LRRIQ1: variants seen among roughly 807,000 people sequenced by gnomAD.
LRRIQ1 encodes leucine-rich repeat- and IQ domain-containing protein 1.
In LRRIQ1, 210 loss-of-function variants were observed where a neutral mutation model predicts 211.9. The observed-to-expected ratio is 0.99, with a 90% CI of 0.89 to 1.11. LRRIQ1 has a LOEUF of 1.11. Ranked by LOEUF, LRRIQ1 falls within the 50% of genes most tolerant of loss-of-function variation. LRRIQ1 has a pLI of 0.00. For synonymous variants in LRRIQ1, 699 were observed against 650.1 expected, an observed-to-expected ratio of 1.08 and a Z score of -1.14; for missense variants, 2,136 against 1,939.5, an observed-to-expected ratio of 1.10 and a Z score of -1.90.
At chr12:85,062,307 G>A (rs1169641861) in intron 8 of LRRIQ1, among the ~76,000 whole-genome samples, 2 of 151,760 alleles carry the variant, frequency 1.3e-5, no homozygotes, top group Non-Finnish European at 2.9e-5. Flanking sequence ...CCCAGGTAGT[G>A]AGCATAGTAC....
chr12:85,051,832 A>G (rs536250562), intron 6 of LRRIQ1, among the ~76,000 whole-genome samples: 1 of 152,162 alleles, frequency 6.6e-6, no homozygotes, highest in Non-Finnish European at 1.5e-5. Context: ...ATGGTGAGAA[A>G]ACAATTGTAA....
intron 24 of LRRIQ1, among the ~76,000 whole-genome samples, chr12:85,176,924 A>C (rs1292566874): frequency 6.6e-6 from 1 of 151,680 alleles, no homozygotes; most frequent in Admixed American, 6.6e-5. Context: ...ATTTCTTTCT[A>C]TTTTTGCTAT....
At position 85,055,670 on chromosome 12, in the gene LRRIQ1, A is replaced by T; in HGVS notation, c.877A>T (p.Lys293Ter). ...TAATGCAGCTGTTAAAATTCAAGCTAAATATAAAGCATTTGTTGCCTATCA... is the reference window on the plus strand; with the variant it reads ...TAATGCAGCTGTTAAAATTCAAGCTTAATATAAAGCATTTGTTGCCTATCA... Reference protein sequence around the residue: ...QNNAAVKIQAKYKAFVAYQKY... With the variant: ...QNNAAVKIQA The change falls in exon 8 of 27, where the codon AAA becomes TAA. Residue 293 changes from lysine (K) to a stop codon, truncating the protein, a stop_gained. Transcript: ENST00000393217. LOFTEE classifies it high-confidence loss of function. 1 of 1,604,718 alleles carries T rather than the reference A, an allele frequency of 6.2e-7. No individual in the cohort carries two copies. The highest frequency in any genetic ancestry group is 1.3e-5 in the African/African-American group (1 of 74,256).
At chr12:85,208,678 A>G (rs1893683600) in intron 24 of LRRIQ1, among the ~76,000 whole-genome samples, 1 of 152,176 alleles carries the variant, frequency 6.6e-6, no homozygotes, top group Admixed American at 6.5e-5. Flanking sequence ...AATGAAAACT[A>G]TTATTGATAT....
At chr12:85,193,341 G>A (rs867052591) in intron 24 of LRRIQ1, among the ~76,000 whole-genome samples, 1,786 of 118,788 alleles carry the variant, frequency 0.015, 54 homozygotes, top group African/African-American at 0.056. Flanking sequence ...GATACTCCTC[G>A]AGAAGAGCAA....
intron 24 of LRRIQ1, among the ~76,000 whole-genome samples, chr12:85,194,753 A>T (rs996326651): frequency 6.6e-6 from 1 of 152,178 alleles, no homozygotes; most frequent in African/African-American, 2.4e-5. Flanking sequence ...TAACATCACA[A>T]TTGAAAGAAC....
intron 24 of LRRIQ1, among the ~76,000 whole-genome samples, chr12:85,203,130 A>G (rs941480166): frequency 2.0e-5 from 3 of 152,124 alleles, no homozygotes; most frequent in African/African-American, 4.8e-5. Flanking sequence ...GTGGTAGTGA[A>G]TAAGTCTCAT....
intron 11 of LRRIQ1, among the ~76,000 whole-genome samples, chr12:85,096,358 G>A (rs1885879454): frequency 6.6e-6 from 1 of 152,006 alleles, no homozygotes; most frequent in Non-Finnish European, 1.5e-5. Context: ...TTGGTATATT[G>A]TATATCCTTT....
chr12:85,088,137 G>A (rs1424080608), intron 11 of LRRIQ1, among the ~76,000 whole-genome samples: 2 of 152,150 alleles, frequency 1.3e-5, no homozygotes, highest in Admixed American at 6.5e-5. Flanking sequence ...GTGTGAGGAA[G>A]GGATCCAGTT....
At chr12:85,151,312 G>A (rs1190305468) in intron 19 of LRRIQ1, among the ~76,000 whole-genome samples, 1 of 151,558 alleles carries the variant, frequency 6.6e-6, no homozygotes, top group Non-Finnish European at 1.5e-5. Context: ...CCTGCCTGTA[G>A]TCAATATGTC....
At chr12:85,110,179 C>T (rs7136277) in intron 15 of LRRIQ1, among the ~76,000 whole-genome samples, 8,666 of 152,136 alleles carry the variant, frequency 0.057, 835 homozygotes, top group African/African-American at 0.2. Context: ...ATGAACTCCT[C>T]CTGTATGCAG....
intron 19 of LRRIQ1, among the ~76,000 whole-genome samples, chr12:85,144,262 A>T: frequency 6.6e-6 from 1 of 151,702 alleles, no homozygotes; most frequent in East Asian, 1.9e-4. Flanking sequence ...CTAAACAATC[A>T]TTTTAAATCT....
intron 24 of LRRIQ1, among the ~76,000 whole-genome samples, chr12:85,221,636 G>A (rs1405667445): frequency 2.0e-5 from 3 of 152,092 alleles, no homozygotes; most frequent in African/African-American, 7.2e-5. Flanking sequence ...GAATACCCTT[G>A]GCAAAGTGCA....
chr12:85,145,318 C>T (rs1889816282), intron 19 of LRRIQ1, among the ~76,000 whole-genome samples: 1 of 151,488 alleles, frequency 6.6e-6, no homozygotes. Context: ...ATCCAAAAGC[C>T]TAGATCAACT....
rs553957671 is a variant in LRRIQ1, at chr12:85,090,425, A to G, written c.2888-7930A>G. On this transcript the variant is annotated intron_variant, in intron 11 of 26. Coordinates refer to ENST00000393217, the MANE Select transcript of LRRIQ1 (RefSeq NM_001079910.2). ...TGCACCTTGCATCCAAAAAAGCTAC[A>G]GACACTCAACTCCAGCCCATGAGAG... 1.7e-4 allele frequency among the ~76,000 whole-genome samples: 26 copies of G among 152,304 alleles called. No homozygotes were observed. The East Asian group carries it at 5.0e-3, about 29-fold the overall frequency.
At chr12:85,271,333 G>GTCT in the LRRIQ1 span, among the ~76,000 whole-genome samples, 2 of 151,962 alleles carry the variant, frequency 1.3e-5, no homozygotes, top group Non-Finnish European at 2.9e-5. Flanking sequence ...TAGAAAGTTA[G>GTCT]TCTTTTACAT....
chr12:85,192,817 AAT>A (rs1446881733), intron 24 of LRRIQ1, among the ~76,000 whole-genome samples: 2 of 101,832 alleles, frequency 2.0e-5, no homozygotes, highest in South Asian at 3.1e-4. Flanking sequence ...ATTATATATA[AAT>A]ATATATAGTT....
At chr12:85,200,898 C>A (rs542335607) in intron 24 of LRRIQ1, among the ~76,000 whole-genome samples, 2 of 152,190 alleles carry the variant, frequency 1.3e-5, no homozygotes, top group South Asian at 2.1e-4. Flanking sequence ...CAGCTCACTG[C>A]AACCTTCACC....
Position 85,056,651 on chromosome 12 carries a change from A to G in LRRIQ1, c.1858A>G (p.Asn620Asp), listed in dbSNP as rs371965033. 59 of 1,598,688 alleles carry G rather than the reference A, an allele frequency of 3.7e-5. No homozygotes were observed. The highest frequency in any genetic ancestry group is 4.6e-5 in the Non-Finnish European group (54 of 1,174,038). Residue 620 changes from asparagine to aspartate, a missense_variant, in exon 8 of 27, where the codon AAT becomes GAT. Asn to Asp is a conservative substitution (Grantham distance 23). Transcript: ENST00000393217. ...KQRSLSLTSENSKDVRENVIL... is the reference protein window; with the variant it reads ...KQRSLSLTSEDSKDVRENVIL... ...AAGATCACTCTCACTAACATCAGAA[A>G]ATTCCAAAGATGTAAGAGAAAACGT...
Sources: gnomAD v4.1 joint callset for allele counts (sites outside exome capture counted in the v4.1 genomes callset) on GRCh38, gnomAD v4.1.1 for gene constraint, MANE v1.5 for transcripts, NCBI Gene and HGNC (gene_info 2026-07-23, HGNC 2026-07-21) for gene names.